Variants in SPATA13 observed in about 807,000 individuals in gnomAD.
The protein encoded by SPATA13 is spermatogenesis-associated protein 13.
SPATA13 carries 50 observed loss-of-function variants against 104.0 expected under a neutral mutation model. That is an observed-to-expected ratio of 0.48 (90% CI 0.38 to 0.61). The LOEUF (loss-of-function observed/expected upper bound fraction) is 0.61, where lower values mean the gene tolerates loss of function less well. Among genes scored for constraint, SPATA13 ranks in the 20% least tolerant of loss-of-function variants. SPATA13 has a pLI of 0.00. For missense variants in SPATA13, 1,524 were observed against 1,690.6 expected, an observed-to-expected ratio of 0.90 and a Z score of 1.73; for synonymous variants, 606 against 667.5, an observed-to-expected ratio of 0.91 and a Z score of 1.42.
chr13:24,231,619 A>G (rs773127208), intron 2 of SPATA13, among the ~76,000 whole-genome samples: 2 of 152,192 alleles, frequency 1.3e-5, no homozygotes, highest in Non-Finnish European at 2.9e-5. Flanking sequence ...GTGGATACCT[A>G]GGGGTGGAAT....
At position 24,149,195 on chromosome 13, in the gene SPATA13, G is replaced by A. The variant is rs1159938683; in HGVS notation, c.-111-73624G>A. On this transcript the variant is annotated intron_variant, in intron 3 of 14. Transcript: ENST00000424834. ...TCCACATTGCTGATCACTGCAGTGT[G>A]TTCCAGTGATGGGCTTTATCTCATT... 2.6e-5 allele frequency among the ~76,000 whole-genome samples: 4 copies of A among 152,306 alleles called. No individual in the cohort carries two copies. In the East Asian group the frequency reaches 7.7e-4, roughly 29 times the overall value.
At chr13:24,122,958 G>A in intron 3 of SPATA13, 1 of 784,398 alleles carries the variant, frequency 1.3e-6, no homozygotes, top group Non-Finnish European at 2.4e-6. Context: ...CGTGTCAGGT[G>A]TATTCAGAAT....
At chr13:24,253,421 G>A (rs186468060) in intron 4 of SPATA13, among the ~76,000 whole-genome samples, 2 of 152,128 alleles carry the variant, frequency 1.3e-5, no homozygotes, top group East Asian at 1.9e-4. Context: ...GACCTCTTAG[G>A]ATAACTAGTC....
In SPATA13 at chr13:24,286,414, G is replaced by C; in HGVS notation, c.2481+21G>C. 6.2e-7 allele frequency: 1 copy of C among 1,605,250 alleles called. No individual in the cohort carries two copies. Among genetic ancestry groups the C allele is most frequent in the Non-Finnish European group, 8.5e-7 (1 of 1,175,950 alleles). On this transcript the variant is annotated intron_variant, in intron 6 of 12. Coordinates refer to ENST00000382108, the MANE Select transcript of SPATA13 (RefSeq NM_001166271.3). This position sits in a 1 kb window ranked among gnomAD's most constrained non-coding sequence, Gnocchi z 4.9. Reference sequence around the variant, plus strand: ...TCAGAGTAAGTGTGGGGTGCTTGCAGCTTTTCCAAAGTACCTGGGGGAGCT... The same window carrying C: ...TCAGAGTAAGTGTGGGGTGCTTGCACCTTTTCCAAAGTACCTGGGGGAGCT...
At chr13:24,141,250 G>A (rs139760513) in intron 3 of SPATA13, among the ~76,000 whole-genome samples, 2 of 152,190 alleles carry the variant, frequency 1.3e-5, no homozygotes, top group East Asian at 1.9e-4. Flanking sequence ...GGAGGTCAAG[G>A]TGGGAGGATC....
chr13:24,040,229 G>C (rs1399517139), intron 3 of SPATA13, among the ~76,000 whole-genome samples: 2 of 152,198 alleles, frequency 1.3e-5, no homozygotes, highest in Admixed American at 1.3e-4. Flanking sequence ...GCCTGGGGAG[G>C]AGGGAGATGA....
At chr13:24,206,288 ATG>A (rs765124128) in intron 1 of SPATA13, among the ~76,000 whole-genome samples, 1,240 of 8,924 alleles carry the variant, frequency 0.14, 14 homozygotes, top group East Asian at 0.5. Flanking sequence ...AAGAAGACAC[ATG>A]TGGCCACAAA....
At chr13:24,198,187 G>GT (rs1870185776) in intron 1 of SPATA13, among the ~76,000 whole-genome samples, 1 of 152,146 alleles carries the variant, frequency 6.6e-6, no homozygotes, top group South Asian at 2.1e-4. Flanking sequence ...TAGAGACGGG[G>GT]TTTCACTGTG....
Position 24,289,046 on chromosome 13 carries a change from G to T in SPATA13, c.2715G>T (p.Ala905=). Residue 905 remains alanine, a synonymous_variant, in exon 8 of 13, where the codon GCG becomes GCT. Transcript: ENST00000382108. ...CRKHTGMFTV[A]QLATIFGNIE... is the part of the protein sequence containing the mutation. ...AGCACACAGGAATGTTCACCGTTGC[G>T]CAGCTAGCCACTATTTTTGGAAACA... 1.2e-6 allele frequency: 2 copies of T among 1,613,764 alleles called. No homozygotes were observed. Among genetic ancestry groups the T allele is most frequent in the African/African-American group, 1.3e-5 (1 of 75,012 alleles).
chr13:24,304,427 T>C lies in SPATA13; in HGVS notation c.*1654T>C. On this transcript the variant is annotated 3_prime_UTR_variant, in exon 13 of 13. Transcript: ENST00000382108. Reference sequence around the variant, plus strand: ...GTTAAACTGTTAATGGATATCTATATGAGAAGCTCATTTTTGTATGCTATC... The same window carrying C: ...GTTAAACTGTTAATGGATATCTATACGAGAAGCTCATTTTTGTATGCTATC... 6.6e-6 allele frequency: 1 copy of C among 152,094 alleles called. No homozygotes were observed. Among genetic ancestry groups the C allele is most frequent in the Non-Finnish European group, 1.5e-5 (1 of 68,014 alleles). The allele number at this position is 152,094 out of a possible 1,614,324, so 9.4% of individuals were successfully genotyped here. A position where few individuals can be genotyped will look rare whatever the true frequency, so the allele number is the denominator to read the frequency against.
chr13:24,223,620 G>T lies in SPATA13; in HGVS notation c.691G>T (p.Val231Leu). The change falls in exon 2 of 13, where the codon GTG (valine) becomes TTG (leucine). Residue 231 changes from valine to leucine, a missense_variant. By Grantham distance (32) the Val-to-Leu change is conservative. This residue lies in a region of SPATA13 where 1,089 missense variants were observed against 1,135.9 expected (regional missense o/e 0.96). Coordinates refer to ENST00000382108, the MANE Select transcript of SPATA13 (RefSeq NM_001166271.3). ...GACACCCACGATAGCCACTGGCCAG[G>T]TGCCCGCCGTGTGTGAGATTCTCGT... Reference protein sequence around the residue: ...HATPTIATGQVPAVCEILVRD... With the variant: ...HATPTIATGQLPAVCEILVRD... The T allele has an allele frequency of 6.4e-7, 1 of 1,551,708 alleles. No homozygotes were observed. The highest frequency in any genetic ancestry group is 1.7e-4 in the Middle Eastern group (1 of 5,994).
chr13:24,045,113 A>G (rs1878090003), intron 3 of SPATA13, among the ~76,000 whole-genome samples: 1 of 116,654 alleles, frequency 8.6e-6, no homozygotes, highest in African/African-American at 3.9e-5. Context: ...CACCCTATGT[A>G]TAATTTATAT....
At chr13:24,193,856 G>A (rs535893175) in intron 1 of SPATA13, among the ~76,000 whole-genome samples, 1 of 152,298 alleles carries the variant, frequency 6.6e-6, no homozygotes, top group Admixed American at 6.5e-5. Flanking sequence ...GTCACAATGA[G>A]GAAGATGGAT....
chr13:24,170,218 C>G (rs1221671960), intron 1 of SPATA13, among the ~76,000 whole-genome samples: 1 of 152,218 alleles, frequency 6.6e-6, no homozygotes, highest in Admixed American at 6.5e-5. Context: ...TCTGAAGTAA[C>G]TTGATCACAT....
chr13:24,025,743 G>C (rs1414599886), intron 3 of SPATA13, among the ~76,000 whole-genome samples: 2 of 152,042 alleles, frequency 1.3e-5, no homozygotes, highest in East Asian at 3.9e-4. Context: ...TCATAGAGCT[G>C]TTAGCCATTC....
In SPATA13 at chr13:24,249,513, C is replaced by G; in HGVS notation, c.1690C>G (p.Gln564Glu). Reference sequence around the variant, plus strand: ...TGGCCCCTGGAGGCGAAGCTCATCACAGGATGAGGAAAGGACAGAGGCACA... The same window carrying G: ...TGGCCCCTGGAGGCGAAGCTCATCAGAGGATGAGGAAAGGACAGAGGCACA... ...PDGPWRRSSS[Q>E]DEERTEAQRT... Residue 564 changes from glutamine (Q) to glutamate (E), a missense_variant, in exon 3 of 13, where the codon CAG becomes GAG. Transcript: ENST00000382108. 1 of 1,599,880 alleles carries G rather than the reference C, an allele frequency of 6.3e-7. No homozygotes were observed. Among genetic ancestry groups the G allele is most frequent in the East Asian group, 2.3e-5 (1 of 43,932 alleles).
chr13:24,166,829 C>T (rs1882753014), intron 1 of SPATA13, among the ~76,000 whole-genome samples: 1 of 152,216 alleles, frequency 6.6e-6, no homozygotes, highest in South Asian at 2.1e-4. Flanking sequence ...TTTATGAGGG[C>T]ATTAATCTCC....
intron 3 of SPATA13, among the ~76,000 whole-genome samples, chr13:24,097,271 C>T (rs190914778): frequency 1.5e-3 from 225 of 152,258 alleles, no homozygotes; most frequent in Non-Finnish European, 2.7e-3. Context: ...CCATTTAGTC[C>T]TCTCAGTCAG....
intron 10 of SPATA13, among the ~76,000 whole-genome samples, chr13:24,296,698 A>G (rs2138765700): frequency 6.6e-6 from 1 of 152,266 alleles, no homozygotes; most frequent in South Asian, 2.1e-4. Flanking sequence ...CTGCTGTTTC[A>G]GATCTTGACT....
Sources: gnomAD v4.1 joint callset for allele counts (sites outside exome capture counted in the v4.1 genomes callset) on GRCh38, gnomAD v4.1.1 for gene constraint, gnomAD v4.1.1 regional missense constraint, Gnocchi (gnomAD v3.1) non-coding constraint, MANE v1.5 for transcripts, NCBI Gene and HGNC (gene_info 2026-07-23, HGNC 2026-07-21) for gene names.